TDRKH: variants seen among roughly 807,000 people sequenced by gnomAD.
TDRKH encodes tudor and KH domain-containing protein.
A neutral mutation model predicts 61.3 loss-of-function variants in TDRKH; 28 were observed. The ratio of observed to expected loss-of-function variants is 0.46; its 90% CI spans 0.34 to 0.63. The LOEUF (loss-of-function observed/expected upper bound fraction) is 0.63. TDRKH is among the 20% of genes least tolerant of loss of function. The probability of loss-of-function intolerance (pLI) is 0.01; values close to 1 mark genes in which losing one functional copy is unlikely to be tolerated. For synonymous variants in TDRKH, 219 were observed against 244.4 expected (o/e 0.90, Z 0.97); for missense variants, 540 against 683.4 (o/e 0.79, Z 2.34).
At chr1:151,776,886 A>G (rs6672920) in intron 6 of TDRKH, among the ~76,000 whole-genome samples, 62,252 of 152,104 alleles carry the variant, frequency 0.41, 13,815 homozygotes, top group Non-Finnish European at 0.51. Flanking sequence ...TGCTAGCTAC[A>G]GCATGGATCA....
chr1:151,780,183 C>A, intron 3 of TDRKH, 43 bp from the exon 4 acceptor site: 1 of 1,585,698 alleles, frequency 6.3e-7, no homozygotes, highest in African/African-American at 1.3e-5. Context: ...TGGAAGAGCT[C>A]CCATTTGAGC....
chr1:151,775,520 A>G lies in TDRKH; in HGVS notation c.1306T>C (p.Leu436=). The change falls in exon 10 of 13, where the codon TTG becomes CTG. Residue 436 remains leucine, a synonymous_variant. Transcript: ENST00000368824. ...PSGDQWEEEA[L]DEFDRLTHCA... is the part of the protein sequence containing the mutation. ...TGAGTGAGTCTATCAAACTCATCCA[A>G]AGCTTCCTCTTCCCACTGGTCACCT... is the stretch of plus-strand genomic sequence containing the variant. The G allele has an allele frequency of 1.2e-6, 2 of 1,613,642 alleles. No individual in the cohort carries two copies. The highest frequency in any genetic ancestry group is 1.7e-6 in the Non-Finnish European group (2 of 1,179,854).
chr1:151,774,767 C>T lies in TDRKH; in HGVS notation c.1576G>A (p.Glu526Lys). The T allele has an allele frequency of 6.2e-7, 1 of 1,614,142 alleles. No homozygotes were observed. The highest frequency in any genetic ancestry group is 8.5e-7 in the Non-Finnish European group (1 of 1,180,014). The change falls in exon 12 of 13, where the codon GAG (glutamate) becomes AAG (lysine). Residue 526 changes from glutamate to lysine, a missense_variant. Around this residue, in one of 3 missense-constraint regions of TDRKH, gnomAD observed 379 missense variants for 443.8 expected, o/e 0.85. Transcript: ENST00000368824. ...TDASLSTLLT[E>K]TKKSSGEITH... is the part of the protein sequence containing the mutation. The stretch of plus-strand genomic sequence containing the variant: ...ATCTCTCCAGAGCTCTTTTTGGTCT[C>T]AGTGAGCAACGTGCTGAGAGAGGCA...
chr1:151,770,424 T>TGGAA, downstream of TDRKH: 11 of 1,007,462 alleles, frequency 1.1e-5, no homozygotes, highest in African/African-American at 1.6e-5. Flanking sequence ...ACTTGTTCCA[T>TGGAA]CAAGTTACAA....
At chr1:151,783,446 T>G (rs1366268135) in intron 1 of TDRKH, among the ~76,000 whole-genome samples, 1 of 152,244 alleles carries the variant, frequency 6.6e-6, no homozygotes, top group Non-Finnish European at 1.5e-5. Flanking sequence ...CCAGGCTTAG[T>G]AAAGGCCTTA....
At position 151,773,998 on chromosome 1, in the gene TDRKH, C is replaced by G. The variant is rs1648910437; in HGVS notation, c.*454G>C. 1.2e-5 allele frequency: 2 copies of G among 160,744 alleles called. No individual in the cohort carries two copies. Among genetic ancestry groups the G allele is most frequent in the African/African-American group, 4.8e-5 (2 of 41,440 alleles). The allele number at this position is 160,744 out of a possible 1,614,324, so 10.0% of individuals were successfully genotyped here. The stretch of plus-strand genomic sequence containing the variant: ...GGGGACTGAGCCTGACGTTGAACGG[C>G]CTGGAAGTAACACAGCAGTATTCAA... On this transcript the variant is annotated 3_prime_UTR_variant, in exon 13 of 13. Transcript: ENST00000368824.
chr1:151,783,114 G>T, intron 1 of TDRKH, 65 bp from the exon 2 acceptor site: 1 of 1,460,032 alleles, frequency 6.8e-7, no homozygotes, highest in Non-Finnish European at 9.3e-7. Context: ...TAGCAGAGAG[G>T]CATGGGAGCA....
chr1:151,780,207 C>T, intron 3 of TDRKH, 67 bp from the exon 4 acceptor site: 1 of 1,529,788 alleles, frequency 6.5e-7, no homozygotes, highest in Non-Finnish European at 8.9e-7. Flanking sequence ...GCTACAGACA[C>T]TCTAAAACAA....
At chr1:151,784,933 G>A (rs558204007) in intron 1 of TDRKH, among the ~76,000 whole-genome samples, 5 of 126,566 alleles carry the variant, frequency 4.0e-5, no homozygotes, top group South Asian at 2.6e-4. Flanking sequence ...ATGGCAATTC[G>A]TTTTTTTTTT....
At position 151,776,474 on chromosome 1, in the gene TDRKH, C is replaced by T; in HGVS notation, c.1009G>A (p.Val337Ile). 6.2e-7 allele frequency: 1 copy of T among 1,614,208 alleles called. No homozygotes were observed. Among genetic ancestry groups the T allele is most frequent in the Non-Finnish European group, 8.5e-7 (1 of 1,180,040 alleles). ...GSRSLQLDKL[V>I]NEMTQHYENS... Reference sequence around the variant, plus strand: ...TCATAGTGCTGGGTCATCTCATTGACAAGCTTATCCAATTGCAGGCTGCGG... The same window carrying T: ...TCATAGTGCTGGGTCATCTCATTGATAAGCTTATCCAATTGCAGGCTGCGG... Residue 337 changes from valine (V) to isoleucine (I), a missense_variant, in exon 7 of 13, where the codon GTC (valine) becomes ATC (isoleucine). Coordinates refer to ENST00000368824, the MANE Select transcript of TDRKH (RefSeq NM_001083965.2).
chr1:151,786,959 C>A (rs1650370330), intron 1 of TDRKH, among the ~76,000 whole-genome samples: 1 of 152,152 alleles, frequency 6.6e-6, no homozygotes, highest in African/African-American at 2.4e-5. Context: ...TTATGAGGTT[C>A]TTTTCCCAAG....
chr1:151,789,547 T>C (rs939358613), intron 1 of TDRKH, among the ~76,000 whole-genome samples: 4 of 152,248 alleles, frequency 2.6e-5, no homozygotes, highest in Non-Finnish European at 5.9e-5. Context: ...GGTTAGATAA[T>C]GGTTTTCAGT....
chr1:151,769,839 G>A (rs928692147), downstream of TDRKH, among the ~76,000 whole-genome samples: 1 of 152,238 alleles, frequency 6.6e-6, no homozygotes, highest in Non-Finnish European at 1.5e-5. Context: ...TCAGGAGGCC[G>A]AGGCTGGCAG....
Position 151,773,600 on chromosome 1 carries a change from A to G in TDRKH, c.*852T>C, listed in dbSNP as rs528435462. 1 of 152,622 alleles carries G rather than the reference A, an allele frequency of 6.6e-6. No individual in the cohort carries two copies. The highest frequency in any genetic ancestry group is 2.1e-4 in the South Asian group (1 of 4,816). The allele number at this position is 152,622 out of a possible 1,614,324, so 9.5% of individuals were successfully genotyped here. On this transcript the variant is annotated 3_prime_UTR_variant, in exon 13 of 13. Transcript: ENST00000368824. Reference sequence around the variant, plus strand: ...TGTATATGTGTGTATACATATAGATATTATACTAGCAATTTAGAAAATTTC... The same window carrying G: ...TGTATATGTGTGTATACATATAGATGTTATACTAGCAATTTAGAAAATTTC...
Position 151,775,829 on chromosome 1 carries a change from C to G in TDRKH, c.1273G>C (p.Ala425Pro), listed in dbSNP as rs776846093. The change falls in exon 9 of 13, where the codon GCT becomes CCT. Residue 425 changes from alanine to proline, a missense_variant. Coordinates refer to ENST00000368824, the MANE Select transcript of TDRKH (RefSeq NM_001083965.2). ...QAIECSLARI[A>P]PSGDQWEEEA... ...GGCATGACCAATTTACCTGAGGGAG[C>G]AATCCGTGCCAGACTACATTCTATT... 25 of 1,613,178 alleles carry G rather than the reference C, an allele frequency of 1.5e-5. No individual in the cohort carries two copies. Among genetic ancestry groups the G allele is most frequent in the Non-Finnish European group, 2.1e-5 (25 of 1,179,352 alleles).
chr1:151,768,114 G>A, downstream of TDRKH: 1 of 1,613,958 alleles, frequency 6.2e-7, no homozygotes, highest in Non-Finnish European at 8.5e-7. Flanking sequence ...ACCCAGTACA[G>A]TTAGACTTTC....
At chr1:151,776,349 A>T in intron 7 of TDRKH, 81 bp from the exon 8 acceptor site, 1 of 1,594,420 alleles carries the variant, frequency 6.3e-7, no homozygotes. Flanking sequence ...AAGAAAGAAA[A>T]GTAGTTGCTC....
chr1:151,774,918 C>A, intron 11 of TDRKH, 112 bp from the exon 12 acceptor site: 1 of 1,386,140 alleles, frequency 7.2e-7, no homozygotes, highest in Non-Finnish European at 1.0e-6. Flanking sequence ...ATTTGGCTAC[C>A]AAGAGGGACA....
At chr1:151,786,394 G>A (rs1371196702) in intron 1 of TDRKH, among the ~76,000 whole-genome samples, 3 of 152,230 alleles carry the variant, frequency 2.0e-5, no homozygotes, top group Non-Finnish European at 4.4e-5. Context: ...GCATGGATAT[G>A]CTGGACAAAG....
Sources: gnomAD v4.1 joint callset for allele counts (sites outside exome capture counted in the v4.1 genomes callset) on GRCh38, gnomAD v4.1.1 for gene constraint, gnomAD v4.1.1 regional missense constraint, MANE v1.5 for transcripts, NCBI Gene and HGNC (gene_info 2026-07-23, HGNC 2026-07-21) for gene names.